The following IL20RA variants were observed in gnomAD, a reference collection of about 807,000 sequenced individuals.
IL20RA encodes interleukin 20 receptor subunit alpha, also known as interleukin-20 receptor subunit alpha.
A neutral mutation model predicts 36.5 loss-of-function variants in IL20RA; 29 were observed. The ratio of observed to expected loss-of-function variants is 0.79; its 90% CI spans 0.59 to 1.08. IL20RA has a LOEUF of 1.08. IL20RA is among the 50% of genes least tolerant of loss of function. The pLI, the probability that IL20RA is intolerant of heterozygous loss-of-function variation, is 0.00. For missense variants in IL20RA, 652 were observed against 668.4 expected, an observed-to-expected ratio of 0.98 and a Z score of 0.27; for synonymous variants, 279 against 267.1, an observed-to-expected ratio of 1.04 and a Z score of -0.43.
intron 3 of IL20RA, among the ~76,000 whole-genome samples, chr6:137,009,798 G>A (rs148217301): frequency 0.011 from 1,687 of 151,938 alleles, 18 homozygotes; most frequent in Middle Eastern, 0.037. Context: ...TAGAGACGGG[G>A]TTTCATCATG....
chr6:137,012,348 T>G (rs1230765956), intron 2 of IL20RA, among the ~76,000 whole-genome samples: 1 of 152,072 alleles, frequency 6.6e-6, no homozygotes, highest in Non-Finnish European at 1.5e-5. Flanking sequence ...AATGAAGGTG[T>G]TAAGGATGCT....
Position 137,044,633 on chromosome 6 carries a change from C to T in IL20RA, c.88+8G>A. Reference sequence around the variant, plus strand: ...CCCGACCCGCACCTGGCGGCGCGACCCACCTACCTGCCCGTCCCCAAGGCG... The same window carrying T: ...CCCGACCCGCACCTGGCGGCGCGACTCACCTACCTGCCCGTCCCCAAGGCG... On this transcript the variant is annotated splice_region_variant and intron_variant, in intron 1 of 6. Coordinates refer to ENST00000316649, the MANE Select transcript of IL20RA (RefSeq NM_014432.4). 1.6e-6 allele frequency: 2 copies of T among 1,222,342 alleles called. No individual in the cohort carries two copies. Among genetic ancestry groups the T allele is most frequent in the Non-Finnish European group, 2.0e-6 (2 of 981,406 alleles). The allele number at this position is 1,222,342 out of a possible 1,614,324, so 75.7% of individuals were successfully genotyped here.
At chr6:137,039,269 A>G (rs7765444) in intron 1 of IL20RA, among the ~76,000 whole-genome samples, 2,681 of 152,270 alleles carry the variant, frequency 0.018, 86 homozygotes, top group African/African-American at 0.061. Flanking sequence ...GGAGGAGTGC[A>G]CATTGTGAGG....
At chr6:137,007,018 T>A (rs934574187) in intron 5 of IL20RA, among the ~76,000 whole-genome samples, 1 of 152,180 alleles carries the variant, frequency 6.6e-6, no homozygotes, top group Non-Finnish European at 1.5e-5. Context: ...TCCATTGCAC[T>A]TGGCCACTTT....
chr6:137,003,899 C>G (rs1440995495), intron 6 of IL20RA, among the ~76,000 whole-genome samples: 2 of 152,102 alleles, frequency 1.3e-5, no homozygotes, highest in Non-Finnish European at 2.9e-5. Flanking sequence ...CTCTCATAGC[C>G]AAGCCCTGGC....
At chr6:137,003,749 G>C (rs1445013509) in intron 6 of IL20RA, among the ~76,000 whole-genome samples, 1 of 152,048 alleles carries the variant, frequency 6.6e-6, no homozygotes, top group Non-Finnish European at 1.5e-5. Flanking sequence ...CCCTTACTTG[G>C]ACCCACTGCC....
intron 1 of IL20RA, among the ~76,000 whole-genome samples, chr6:137,018,518 G>A (rs966129850): frequency 5.4e-5 from 8 of 149,130 alleles, no homozygotes; most frequent in East Asian, 2.0e-4. Flanking sequence ...GTGTGCGTGT[G>A]TGTGTGTGTG....
In IL20RA at chr6:137,044,776, C is replaced by T. The variant is rs1461380789; in HGVS notation, c.-48G>A. 3 of 1,206,916 alleles carry T rather than the reference C, an allele frequency of 2.5e-6. No homozygotes were observed. Among genetic ancestry groups the T allele is most frequent in the Non-Finnish European group, 1.0e-6 (1 of 971,888 alleles). 74.8% of individuals were successfully genotyped at this position (1,206,916 alleles called of 1,614,324 possible). A position where few individuals can be genotyped will look rare whatever the true frequency, so the allele number is the denominator to read the frequency against. On this transcript the variant is annotated 5_prime_UTR_variant, in exon 1 of 7. Transcript: ENST00000316649. ...GTCGGGGGGCAGCAGACTGCTCAGT[C>T]CCACGCCCGCTGGGGCCAAGCGCGG...
At chr6:137,027,124 C>T (rs550789989) in intron 1 of IL20RA, among the ~76,000 whole-genome samples, 49 of 152,272 alleles carry the variant, frequency 3.2e-4, no homozygotes, top group African/African-American at 1.2e-3. Flanking sequence ...TCAGGTGGTC[C>T]ACCCGCCTTG....
At chr6:137,004,497 C>T (rs1384209403) in intron 6 of IL20RA, 124 bp downstream of exon 6, 1 of 982,758 alleles carries the variant, frequency 1.0e-6, no homozygotes, top group East Asian at 2.5e-5. Flanking sequence ...TTTTAATTCA[C>T]CAGCTATTTA....
intron 5 of IL20RA, among the ~76,000 whole-genome samples, chr6:137,005,886 G>A (rs958651976): frequency 1.1e-4 from 16 of 151,984 alleles, no homozygotes; most frequent in African/African-American, 2.9e-4. Flanking sequence ...CTATAAATTC[G>A]GACTTGCCAG....
chr6:137,032,302 G>A (rs1307505110), intron 1 of IL20RA, among the ~76,000 whole-genome samples: 1 of 152,182 alleles, frequency 6.6e-6, no homozygotes, highest in Non-Finnish European at 1.5e-5. Flanking sequence ...GAGTGACAGG[G>A]CAGGTTCCCT....
Position 137,001,813 on chromosome 6 carries a change from C to T in IL20RA, c.1407G>A (p.Glu469=), listed in dbSNP as rs897266155. ...TCGTCGATGGCTCTTCCTCCGGCCC[C>T]TCCTCCGAGTCTGTGTGCTCCTGCG... ...PLAQEHTDSE[E]GPEEEPSTTL... is the part of the protein sequence containing the mutation. The change falls in exon 7 of 7, where the codon GAG becomes GAA. Residue 469 remains glutamate (E), a synonymous_variant. Coordinates refer to ENST00000316649, the MANE Select transcript of IL20RA (RefSeq NM_014432.4). The T allele has an allele frequency of 6.2e-7, 1 of 1,613,398 alleles. No individual in the cohort carries two copies. Among genetic ancestry groups the T allele is most frequent in the African/African-American group, 1.3e-5 (1 of 74,890 alleles).
chr6:137,005,102 T>C (rs1775233962), intron 5 of IL20RA, among the ~76,000 whole-genome samples: 1 of 152,252 alleles, frequency 6.6e-6, no homozygotes, highest in South Asian at 2.1e-4. Flanking sequence ...AGTAAGTGTA[T>C]TTGATATTCA....
At position 137,002,178 on chromosome 6, in the gene IL20RA, G is replaced by C. The variant is rs780573330; in HGVS notation, c.1042C>G (p.Leu348Val). 6.2e-7 allele frequency: 1 copy of C among 1,614,142 alleles called. No individual in the cohort carries two copies. Among genetic ancestry groups the C allele is most frequent in the Non-Finnish European group, 8.5e-7 (1 of 1,180,022 alleles). The change falls in exon 7 of 7, where the codon CTG becomes GTG. Residue 348 changes from leucine to valine, a missense_variant. Coordinates refer to ENST00000316649, the MANE Select transcript of IL20RA (RefSeq NM_014432.4). The stretch of plus-strand genomic sequence containing the variant: ...TCCTCTTCCTCCTGAGGGGGCCTCA[G>C]GTTCCCGCTGGGCTGAGGATCATTA... ...SLNDPQPSGN[L>V]RPPQEEEEVK... is the part of the protein sequence containing the mutation.
intron 2 of IL20RA, 140 bp from the exon 3 acceptor site, chr6:137,011,592 G>A (rs1775503097): frequency 3.5e-6 from 2 of 565,012 alleles, no homozygotes; most frequent in African/African-American, 1.9e-5. Flanking sequence ...AGATAAAAAA[G>A]AATCCACTTT....
intron 5 of IL20RA, among the ~76,000 whole-genome samples, chr6:137,007,026 T>C (rs151062699): frequency 6.7e-4 from 102 of 152,308 alleles, no homozygotes; most frequent in Non-Finnish European, 1.3e-3. Context: ...ACTTGGCCAC[T>C]TTTTTCATAT....
intron 2 of IL20RA, among the ~76,000 whole-genome samples, chr6:137,014,342 G>A (rs978106838): frequency 6.6e-6 from 1 of 152,016 alleles, no homozygotes; most frequent in African/African-American, 2.4e-5. Context: ...CATTACCCTG[G>A]AACATTTGGT....
chr6:137,024,795 T>A (rs1250773915), intron 1 of IL20RA, among the ~76,000 whole-genome samples: 1 of 152,206 alleles, frequency 6.6e-6, no homozygotes, highest in Non-Finnish European at 1.5e-5. Flanking sequence ...ATGATTGTGC[T>A]GTGATGTGTA....
Sources: gnomAD v4.1 joint callset for allele counts (sites outside exome capture counted in the v4.1 genomes callset) on GRCh38, gnomAD v4.1.1 for gene constraint, MANE v1.5 for transcripts, NCBI Gene and HGNC (gene_info 2026-07-23, HGNC 2026-07-21) for gene names.